The following FSTL4 variants were observed in gnomAD, a reference collection of about 807,000 sequenced individuals.
FSTL4 encodes the protein follistatin-related protein 4.
In FSTL4, 28 loss-of-function variants were observed where a neutral mutation model predicts 78.2. The ratio of observed to expected loss-of-function variants is 0.36; its 90% CI spans 0.27 to 0.49. The LOEUF (loss-of-function observed/expected upper bound fraction) is 0.49, where lower values mean the gene tolerates loss of function less well. FSTL4 is among the 20% of genes least tolerant of loss of function. The probability of loss-of-function intolerance (pLI) is 0.98; values close to 1 mark genes in which losing one functional copy is unlikely to be tolerated. For synonymous variants in FSTL4, 422 were observed against 440.5 expected, an observed-to-expected ratio of 0.96 and a Z score of 0.53; for missense variants, 922 against 1,084.9, an observed-to-expected ratio of 0.85 and a Z score of 2.11.
chr5:133,361,193 C>T lies in FSTL4; in HGVS notation c.409+39545G>A, dbSNP rs961119110. Among the ~76,000 whole-genome samples, 6 of 152,156 alleles carry T rather than the reference C, an allele frequency of 3.9e-5. No individual in the cohort carries two copies. Among genetic ancestry groups the T allele is most frequent in the Non-Finnish European group, 7.3e-5 (5 of 68,028 alleles). On this transcript the variant is annotated intron_variant, in intron 4 of 15. Coordinates refer to ENST00000265342, the MANE Select transcript of FSTL4 (RefSeq NM_015082.2). This position sits in a 1 kb window ranked among gnomAD's most constrained non-coding sequence, Gnocchi z 4.3. The stretch of plus-strand genomic sequence containing the variant: ...CCTCTTCTCGCTCTAATAAACTTTT[C>T]AAGGAGGGGTCGCATTCCGACCCTG...
At chr5:133,422,008 G>C (rs1011242659) in intron 3 of FSTL4, among the ~76,000 whole-genome samples, 1 of 152,184 alleles carries the variant, frequency 6.6e-6, no homozygotes, top group Non-Finnish European at 1.5e-5. Flanking sequence ...GCTTCTTGGA[G>C]GAGGCAGCCT....
chr5:133,715,376 A>T, the FSTL4 span, among the ~76,000 whole-genome samples: 1 of 152,238 alleles, frequency 6.6e-6, no homozygotes, highest in Non-Finnish European at 1.5e-5. Flanking sequence ...TGATGTCAAG[A>T]ATTTTATGCA....
At chr5:133,459,059 C>T (rs898086457) in intron 3 of FSTL4, among the ~76,000 whole-genome samples, 1 of 152,144 alleles carries the variant, frequency 6.6e-6, no homozygotes, top group Non-Finnish European at 1.5e-5. Context: ...CCACCTCCAA[C>T]AGACCCCACC....
the FSTL4 span, among the ~76,000 whole-genome samples, chr5:133,771,645 T>C: frequency 6.6e-6 from 1 of 152,124 alleles, no homozygotes; most frequent in Non-Finnish European, 1.5e-5. Flanking sequence ...GTGGAGTCTT[T>C]AGGGTTTTCT....
chr5:133,682,715 A>C, the FSTL4 span, among the ~76,000 whole-genome samples: 1,717 of 152,274 alleles, frequency 0.011, 16 homozygotes, highest in Admixed American at 0.023. Context: ...AGCTGAAAGG[A>C]AAGGAGGGCT....
chr5:133,741,128 A>G, the FSTL4 span, among the ~76,000 whole-genome samples: 4 of 152,224 alleles, frequency 2.6e-5, no homozygotes, highest in African/African-American at 9.6e-5. Flanking sequence ...ACCCCCACCA[A>G]CAACTGCTAA....
At chr5:133,252,271 CAGACTA>C (rs1366524281) in intron 6 of FSTL4, 1 of 152,164 alleles carries the variant, frequency 6.6e-6, no homozygotes, top group African/African-American at 2.4e-5. Context: ...GATCTGTGGT[CAGACTA>C]GAAGGAAAAG....
chr5:133,225,680 C>T lies in FSTL4; in HGVS notation c.1155G>A (p.Met385Ile), dbSNP rs751169553. Reference sequence around the variant, plus strand: ...TACCTAAAAGGGAGAGCTGTTTGGACATCTGAGTTGAGACATCCACGCCGT... The same window carrying T: ...TACCTAAAAGGGAGAGCTGTTTGGATATCTGAGTTGAGACATCCACGCCGT... ...LKNGVDVSTQ[M>I]SKQLSLLANG... is the part of the protein sequence containing the mutation. The change falls in exon 9 of 16, where the codon ATG becomes ATA. Residue 385 changes from methionine to isoleucine, a missense_variant. Coordinates refer to ENST00000265342, the MANE Select transcript of FSTL4 (RefSeq NM_015082.2). The surrounding 1 kb of genome is among the most constrained non-coding windows in gnomAD (Gnocchi z 4.6). 9 of 1,605,498 alleles carry T rather than the reference C, an allele frequency of 5.6e-6. No individual in the cohort carries two copies. The highest frequency in any genetic ancestry group is 6.8e-6 in the Non-Finnish European group (8 of 1,175,980).
chr5:133,725,728 A>ATTT, the FSTL4 span, among the ~76,000 whole-genome samples: 1 of 152,200 alleles, frequency 6.6e-6, no homozygotes, highest in African/African-American at 2.4e-5. Flanking sequence ...TCTTTATAAT[A>ATTT]TTTGAAAGAG....
chr5:133,272,787 T>C (rs1253224772), intron 6 of FSTL4, among the ~76,000 whole-genome samples: 1 of 152,246 alleles, frequency 6.6e-6, no homozygotes, highest in Non-Finnish European at 1.5e-5. Context: ...TTGTAGGCAT[T>C]GATGTGGCAA....
the FSTL4 span, among the ~76,000 whole-genome samples, chr5:133,635,421 A>G: frequency 6.6e-6 from 1 of 152,240 alleles, no homozygotes. Flanking sequence ...CATCCCTGAT[A>G]TATGTATATG....
chr5:133,838,499 T>G, the FSTL4 span, among the ~76,000 whole-genome samples: 3 of 152,214 alleles, frequency 2.0e-5, no homozygotes, highest in South Asian at 6.2e-4. Context: ...CCCATGAGGT[T>G]GCAATCAGAT....
At chr5:133,782,776 T>C in the FSTL4 span, among the ~76,000 whole-genome samples, 2,333 of 152,264 alleles carry the variant, frequency 0.015, 65 homozygotes, top group African/African-American at 0.053. Flanking sequence ...CCAAGCCACA[T>C]CCCTCAAGTC....
At position 133,199,369 on chromosome 5, in the gene FSTL4, T is replaced by C. The variant is rs761904423; in HGVS notation, c.2255A>G (p.Tyr752Cys). 3.1e-6 allele frequency: 5 copies of C among 1,613,840 alleles called. No individual in the cohort carries two copies. In the Admixed American group the frequency reaches 6.7e-5, roughly 22 times the overall value. ...SFTESNQYNIYAALHTEPDLL... is the reference protein window; with the variant it reads ...SFTESNQYNICAALHTEPDLL... ...GTCCGGCTCCGTGTGCAGAGCCGCG[T>C]AGATGTTGTATTGATTGCTTTCAGT... Residue 752 changes from tyrosine (Y) to cysteine (C), a missense_variant, in exon 16 of 16, where the codon TAC (tyrosine) becomes TGC (cysteine). Coordinates refer to ENST00000265342, the MANE Select transcript of FSTL4 (RefSeq NM_015082.2). This position sits in a 1 kb window ranked among gnomAD's most constrained non-coding sequence, Gnocchi z 4.4.
intron 4 of FSTL4, among the ~76,000 whole-genome samples, chr5:133,395,436 C>T (rs569000355): frequency 9.9e-5 from 15 of 152,282 alleles, no homozygotes; most frequent in African/African-American, 3.6e-4. Context: ...TGAACACGTC[C>T]AAACATCAGA....
At chr5:133,401,130 C>T in intron 3 of FSTL4, 144 bp from the exon 4 acceptor site, 1 of 809,540 alleles carries the variant, frequency 1.2e-6, no homozygotes. Context: ...CTTGGGGTCT[C>T]CTAGGGAGTC....
intron 4 of FSTL4, among the ~76,000 whole-genome samples, chr5:133,386,858 G>C (rs1183528314): frequency 6.6e-6 from 1 of 152,156 alleles, no homozygotes; most frequent in Non-Finnish European, 1.5e-5. Context: ...TGCTCACTGG[G>C]GTTGTCACGT....
the FSTL4 span, among the ~76,000 whole-genome samples, chr5:133,660,638 T>C: frequency 3.3e-5 from 5 of 152,182 alleles, no homozygotes; most frequent in African/African-American, 1.2e-4. Flanking sequence ...GCCCACCCTG[T>C]CCCTCTCCCC....
intron 12 of FSTL4, among the ~76,000 whole-genome samples, chr5:133,219,244 C>T (rs150860019): frequency 6.6e-6 from 1 of 152,304 alleles, no homozygotes; most frequent in African/African-American, 2.4e-5. Flanking sequence ...GAACCTTCTC[C>T]AGCTCCTGCT....
Sources: gnomAD v4.1 joint callset for allele counts (sites outside exome capture counted in the v4.1 genomes callset) on GRCh38, gnomAD v4.1.1 for gene constraint, Gnocchi (gnomAD v3.1) non-coding constraint, MANE v1.5 for transcripts, NCBI Gene and HGNC (gene_info 2026-07-23, HGNC 2026-07-21) for gene names.